VPS35L: variants seen among roughly 807,000 people sequenced by gnomAD.
The protein encoded by VPS35L is VPS35 endosomal protein-sorting factor-like.
A neutral mutation model predicts 133.0 loss-of-function variants in VPS35L; 83 were observed. The ratio of observed to expected loss-of-function variants is 0.62; its 90% CI spans 0.52 to 0.75. The LOEUF (loss-of-function observed/expected upper bound fraction) is 0.75, where lower values mean the gene tolerates loss of function less well. Ranked by LOEUF, VPS35L falls within the 30% of genes least tolerant of loss-of-function variation. The probability of loss-of-function intolerance (pLI) is 0.00; values close to 1 mark genes in which losing one functional copy is unlikely to be tolerated. For synonymous variants in VPS35L, 423 were observed against 449.9 expected, an observed-to-expected ratio of 0.94 and a Z score of 0.76; for missense variants, 1,083 against 1,206.8, an observed-to-expected ratio of 0.90 and a Z score of 1.52.
chr16:19,633,134 A>C lies in VPS35L; in HGVS notation c.1597A>C (p.Met533Leu). ...NTVLADVIKH[M>L]TPDRAFEDSY... ...CGTTTTGGCAGATGTCATCAAGCAC[A>C]TGACTCCAGATCGTGCATTTGAAGA... The change falls in exon 19 of 31, where the codon ATG becomes CTG. Residue 533 changes from methionine (M) to leucine (L), a missense_variant. Coordinates refer to ENST00000417362, the MANE Select transcript of VPS35L (RefSeq NM_020314.7). The surrounding 1 kb of genome is among the most constrained non-coding windows in gnomAD (Gnocchi z 4.1). 6.2e-7 allele frequency: 1 copy of C among 1,614,240 alleles called. No individual in the cohort carries two copies. Among genetic ancestry groups the C allele is most frequent in the Non-Finnish European group, 8.5e-7 (1 of 1,180,036 alleles).
intron 11 of VPS35L, among the ~76,000 whole-genome samples, chr16:19,609,548 T>C (rs140601834): frequency 2.6e-5 from 4 of 152,304 alleles, no homozygotes; most frequent in African/African-American, 9.6e-5. Flanking sequence ...GCCACTCAAT[T>C]TATCACAATG....
chr16:19,602,368 C>T (rs934326426), intron 9 of VPS35L, among the ~76,000 whole-genome samples: 14 of 152,128 alleles, frequency 9.2e-5, no homozygotes, highest in African/African-American at 3.4e-4. Context: ...GCTAGAGCAA[C>T]CAGCTTGCTC....
In VPS35L at chr16:19,591,743, T is replaced by C. The variant is rs772241951; in HGVS notation, c.640-47T>C. On this transcript the variant is annotated intron_variant, in intron 7 of 30. Coordinates refer to ENST00000417362, the MANE Select transcript of VPS35L (RefSeq NM_020314.7). ...TTTCAGATCTGGAGTGTCCTACCCA[T>C]ACCAGACATGCCAGAGTGAATTTTC... The C allele has an allele frequency of 5.6e-6, 8 of 1,418,644 alleles. No individual in the cohort carries two copies. In the African/African-American group the frequency reaches 1.1e-4, roughly 20 times the overall value. The allele number at this position is 1,418,644 out of a possible 1,614,324, so 87.9% of individuals were successfully genotyped here. A position where few individuals can be genotyped will look rare whatever the true frequency, so the allele number is the denominator to read the frequency against.
intron 1 of VPS35L, among the ~76,000 whole-genome samples, chr16:19,558,995 G>T (rs1005270720): frequency 6.6e-6 from 1 of 151,838 alleles, no homozygotes; most frequent in Admixed American, 6.6e-5. Flanking sequence ...ATGTGTAGCG[G>T]TGAAGGGGGC....
intron 30 of VPS35L, among the ~76,000 whole-genome samples, chr16:19,700,068 G>T (rs896027921): frequency 1.3e-5 from 2 of 152,214 alleles, no homozygotes; most frequent in African/African-American, 2.4e-5. Flanking sequence ...CTGCACTCCA[G>T]CCTGGGTGAT....
chr16:19,610,339 T>C lies in VPS35L; in HGVS notation c.947T>C (p.Leu316Pro). The C allele has an allele frequency of 2.5e-6, 4 of 1,614,140 alleles. No individual in the cohort carries two copies. Among genetic ancestry groups the C allele is most frequent in the Non-Finnish European group, 3.4e-6 (4 of 1,180,012 alleles). ...TCTTGCAGGGGAATTTCAGAGTGCC[T>C]GCCCCGGTTGACATGCATGATCAGA... ...FLSKTGISEC[L>P]PRLTCMIRGI... The change falls in exon 12 of 31, where the codon CTG becomes CCG. Residue 316 changes from leucine (L) to proline (P), a missense_variant. Coordinates refer to ENST00000417362, the MANE Select transcript of VPS35L (RefSeq NM_020314.7).
chr16:19,669,350 A>G lies in VPS35L; in HGVS notation c.2361+51A>G, dbSNP rs751160824. The G allele has an allele frequency of 3.8e-6, 6 of 1,561,708 alleles. No homozygotes were observed. The African/African-American group carries it at 4.1e-5, about 11-fold the overall frequency. ...GACATGTCTTCCTTTCACCTGCCTT[A>G]TAATATTATATGTGTTCTTAGGCCT... On this transcript the variant is annotated intron_variant, in intron 27 of 30. Transcript: ENST00000417362.
At chr16:19,564,817 A>G in intron 1 of VPS35L, 34 bp from the exon 2 acceptor site, 16 of 1,477,602 alleles carry the variant, frequency 1.1e-5, no homozygotes, top group Non-Finnish European at 1.5e-5. Context: ...AAGTACCCCC[A>G]TCCACTAATT....
chr16:19,604,336 A>T (rs1347504564), intron 9 of VPS35L, among the ~76,000 whole-genome samples: 1 of 152,174 alleles, frequency 6.6e-6, no homozygotes, highest in East Asian at 1.9e-4. Context: ...GGGCCAATTA[A>T]GGAAAAATTA....
chr16:19,588,323 A>T (rs1422948871), intron 7 of VPS35L, among the ~76,000 whole-genome samples: 1 of 151,582 alleles, frequency 6.6e-6, no homozygotes, highest in Non-Finnish European at 1.5e-5. Flanking sequence ...AGTAGCTTGG[A>T]TTACGGGCAT....
intron 27 of VPS35L, among the ~76,000 whole-genome samples, chr16:19,675,798 C>T (rs12928663): frequency 1.3e-5 from 2 of 151,640 alleles, no homozygotes; most frequent in African/African-American, 2.4e-5. Flanking sequence ...GCTCAGCCCC[C>T]CTCCGCCTCC....
chr16:19,607,245 G>A (rs1377487967), intron 9 of VPS35L, among the ~76,000 whole-genome samples: 1 of 152,180 alleles, frequency 6.6e-6, no homozygotes, highest in African/African-American at 2.4e-5. Flanking sequence ...CAGGGCCGAT[G>A]GGCCAGCTAG....
chr16:19,696,033 C>A (rs1224734993), intron 29 of VPS35L, among the ~76,000 whole-genome samples: 6 of 151,984 alleles, frequency 3.9e-5, no homozygotes, highest in Non-Finnish European at 8.8e-5. Flanking sequence ...ACTACAGGCG[C>A]GTGCCACCAC....
intron 14 of VPS35L, among the ~76,000 whole-genome samples, chr16:19,624,866 A>G (rs961437671): frequency 1.3e-5 from 2 of 152,176 alleles, no homozygotes; most frequent in African/African-American, 4.8e-5. Context: ...GGTGAAGAGT[A>G]AGAGAGTAAA....
At chr16:19,645,406 C>T (rs537452031) in intron 23 of VPS35L, among the ~76,000 whole-genome samples, 10 of 152,052 alleles carry the variant, frequency 6.6e-5, no homozygotes, top group Admixed American at 4.6e-4. Context: ...TCTCCTGCCT[C>T]AGCCTCCCGA....
rs780044811 is a variant in VPS35L at position 19,616,681 on chromosome 16, T to G, written c.1102-5T>G. 6.2e-7 allele frequency: 1 copy of G among 1,613,452 alleles called. No individual in the cohort carries two copies. On this transcript the variant is annotated splice_polypyrimidine_tract_variant and splice_region_variant and intron_variant, in intron 13 of 30. Coordinates refer to ENST00000417362, the MANE Select transcript of VPS35L (RefSeq NM_020314.7). ...TTTTCTAAGTGTTTGTTTGGCCTCC[T>G]GTAGATTCATGGGGATACGGTCCAG...
intron 16 of VPS35L, 30 bp downstream of exon 16, chr16:19,627,835 C>T: frequency 6.6e-7 from 1 of 1,513,348 alleles, no homozygotes; most frequent in Admixed American, 1.7e-5. Context: ...CTCAGTAGGA[C>T]ACAAATAAGC....
intron 4 of VPS35L, among the ~76,000 whole-genome samples, chr16:19,573,871 C>T (rs7189880): frequency 0.16 from 24,074 of 152,062 alleles, 2,018 homozygotes; most frequent in African/African-American, 0.19. Context: ...GAGCACAACA[C>T]TGGAGGAGAA....
intron 26 of VPS35L, among the ~76,000 whole-genome samples, chr16:19,657,571 A>G (rs1324141358): frequency 6.6e-6 from 1 of 152,170 alleles, no homozygotes; most frequent in African/African-American, 2.4e-5. Flanking sequence ...CTGTAAGCGC[A>G]TCACCTCCAT....
Sources: gnomAD v4.1 joint callset for allele counts (sites outside exome capture counted in the v4.1 genomes callset) on GRCh38, gnomAD v4.1.1 for gene constraint, Gnocchi (gnomAD v3.1) non-coding constraint, MANE v1.5 for transcripts, NCBI Gene and HGNC (gene_info 2026-07-23, HGNC 2026-07-21) for gene names.